DOCK9: variants seen among roughly 807,000 people sequenced by gnomAD.
DOCK9 encodes dedicator of cytokinesis 9, also known as dedicator of cytokinesis protein 9.
Under a neutral mutation model 263.3 loss-of-function variants are expected in DOCK9, and 89 were observed. The ratio of observed to expected loss-of-function variants is 0.34; its 90% CI spans 0.28 to 0.40. The LOEUF is 0.40. Ranked by LOEUF, DOCK9 falls within the 10% of genes least tolerant of loss-of-function variation. The pLI is 1.00. For synonymous variants in DOCK9, 976 were observed against 973.1 expected, an observed-to-expected ratio of 1.00 and a Z score of -0.06; for missense variants, 2,140 against 2,603.4, an observed-to-expected ratio of 0.82 and a Z score of 3.87.
At chr13:98,855,477 C>T (rs888151960) in intron 34 of DOCK9, among the ~76,000 whole-genome samples, 1 of 152,136 alleles carries the variant, frequency 6.6e-6, no homozygotes, top group Non-Finnish European at 1.5e-5. Context: ...GAGGCTGAGG[C>T]AGAGGAGTCG....
chr13:99,057,128 C>T (rs1316044936), intron 1 of DOCK9, among the ~76,000 whole-genome samples: 2 of 152,092 alleles, frequency 1.3e-5, no homozygotes, highest in Non-Finnish European at 2.9e-5. Context: ...GGCTGGGACC[C>T]CCTCAATACA....
At chr13:98,916,699 A>G (rs2050940073) in intron 7 of DOCK9, among the ~76,000 whole-genome samples, 1 of 152,216 alleles carries the variant, frequency 6.6e-6, no homozygotes, top group African/African-American at 2.4e-5. Flanking sequence ...GGAAGAAGTC[A>G]AAGGCTTGAA....
intron 45 of DOCK9, among the ~76,000 whole-genome samples, chr13:98,816,271 T>C (rs1026989923): frequency 2.0e-5 from 3 of 152,082 alleles, no homozygotes; most frequent in African/African-American, 7.2e-5. Context: ...CACACGGTCA[T>C]CCTCAGAGGA....
At chr13:98,898,454 G>C (rs957518643) in intron 13 of DOCK9, among the ~76,000 whole-genome samples, 193 bp from the exon 14 acceptor site, 1 of 152,220 alleles carries the variant, frequency 6.6e-6, no homozygotes, top group Admixed American at 6.5e-5. Flanking sequence ...GCATTCTCTA[G>C]CAGTGATTCT....
intron 23 of DOCK9, among the ~76,000 whole-genome samples, chr13:98,882,641 AT>A (rs1352602698): frequency 2.0e-5 from 3 of 151,714 alleles, no homozygotes; most frequent in Non-Finnish European, 4.4e-5. Context: ...TTATTTCTTT[AT>A]TTGATTTGTC....
Position 99,015,908 on chromosome 13 carries a change from C to G in DOCK9, c.130-60357G>C, listed in dbSNP as rs563049568. 1.6e-5 allele frequency: 7 copies of G among 448,424 alleles called. No individual in the cohort carries two copies. In the South Asian group the frequency reaches 5.9e-4, roughly 38 times the overall value. 27.8% of individuals were successfully genotyped at this position (448,424 alleles called of 1,614,324 possible). On this transcript the variant is annotated intron_variant, in intron 1 of 32. Coordinates refer to the DOCK9 transcript ENST00000427887. ...TAGCTGATTGCTTCACTCTTAATAC[C>G]AAAGAACAAATAAGCAGGAGATTTA...
At chr13:98,966,092 G>A (rs1244274226) in intron 1 of DOCK9, among the ~76,000 whole-genome samples, 4 of 152,242 alleles carry the variant, frequency 2.6e-5, no homozygotes, top group Non-Finnish European at 5.9e-5. Flanking sequence ...CTCGCCTGCC[G>A]TCGTCAGCTG....
intron 1 of DOCK9, among the ~76,000 whole-genome samples, chr13:98,965,623 T>C (rs1473356603): frequency 2.0e-5 from 3 of 152,194 alleles, no homozygotes; most frequent in Non-Finnish European, 4.4e-5. Context: ...GATGCCTACA[T>C]TTTAATTTTG....
chr13:98,962,142 G>A (rs1311602100), intron 1 of DOCK9, among the ~76,000 whole-genome samples: 2 of 152,112 alleles, frequency 1.3e-5, no homozygotes, highest in East Asian at 3.8e-4. Flanking sequence ...TTGCAATGAA[G>A]AATGATAATA....
At chr13:98,914,092 A>G (rs937144894) in intron 9 of DOCK9, among the ~76,000 whole-genome samples, 2 of 152,194 alleles carry the variant, frequency 1.3e-5, no homozygotes, top group African/African-American at 4.8e-5. Flanking sequence ...ATTATCAGGG[A>G]AAAAAACACT....
intron 24 of DOCK9, 67 bp downstream of exon 24, chr13:98,881,825 A>T: frequency 7.3e-7 from 1 of 1,371,254 alleles, no homozygotes; most frequent in Non-Finnish European, 1.0e-6. Flanking sequence ...CATCCCAGCT[A>T]TGCATGACTA....
In DOCK9 at chr13:98,922,049, A is replaced by G; in HGVS notation, c.582+2T>C. ...GGAGGGCAAAGTGATGTGCGTCCTC[A>G]CCCTCATGGTCACGCTGATGGCACT... On this transcript the variant is annotated splice_donor_variant, in intron 6 of 52. Transcript: ENST00000682017. LOFTEE classifies it high-confidence loss of function. The G allele has an allele frequency of 1.9e-6, 3 of 1,586,476 alleles. No individual in the cohort carries two copies. Among genetic ancestry groups the G allele is most frequent in the Non-Finnish European group, 1.7e-6 (2 of 1,165,392 alleles).
At chr13:99,069,908 T>C (rs1332489991) in intron 1 of DOCK9, among the ~76,000 whole-genome samples, 1 of 152,244 alleles carries the variant, frequency 6.6e-6, no homozygotes, top group African/African-American at 2.4e-5. Context: ...GTGACCTTAA[T>C]TAAGCAAGTC....
chr13:98,822,916 G>C (rs77318504), intron 45 of DOCK9, among the ~76,000 whole-genome samples: 3 of 151,952 alleles, frequency 2.0e-5, no homozygotes, highest in Admixed American at 6.6e-5. Flanking sequence ...ATTTACAACA[G>C]TGGTTCTTAA....
At chr13:98,795,712 C>G (rs1463040415) in intron 52 of DOCK9, among the ~76,000 whole-genome samples, 1 of 151,960 alleles carries the variant, frequency 6.6e-6, no homozygotes, top group Admixed American at 6.6e-5. Flanking sequence ...CCCTCCTGTT[C>G]TGCTTAATTA....
intron 1 of DOCK9, among the ~76,000 whole-genome samples, chr13:99,034,197 T>C (rs1325077928): frequency 6.6e-6 from 1 of 151,974 alleles, no homozygotes; most frequent in African/African-American, 2.4e-5. Context: ...TTCCAACTGG[T>C]TAAAACCATA....
At chr13:98,837,440 C>T in intron 39 of DOCK9, 54 bp downstream of exon 39, 1 of 1,267,034 alleles carries the variant, frequency 7.9e-7, no homozygotes, top group South Asian at 1.2e-5. Flanking sequence ...GCTTACCAAG[C>T]AGAATGAATG....
At chr13:98,930,652 C>CT (rs373096591) in intron 2 of DOCK9, among the ~76,000 whole-genome samples, 18 of 149,788 alleles carry the variant, frequency 1.2e-4, no homozygotes, top group Non-Finnish European at 2.4e-4. Context: ...CCATTTGAAA[C>CT]TTTTTTTTTT....
At chr13:98,843,883 T>C (rs1332130428) in intron 38 of DOCK9, among the ~76,000 whole-genome samples, 1 of 152,236 alleles carries the variant, frequency 6.6e-6, no homozygotes, top group Admixed American at 6.5e-5. Flanking sequence ...GGTTATTTAT[T>C]CACATGTGGA....
Sources: gnomAD v4.1 joint callset for allele counts (sites outside exome capture counted in the v4.1 genomes callset) on GRCh38, gnomAD v4.1.1 for gene constraint, MANE v1.5 for transcripts, NCBI Gene and HGNC (gene_info 2026-07-23, HGNC 2026-07-21) for gene names.